Variants in ARAP1 observed in about 807,000 individuals in gnomAD.
The protein encoded by ARAP1 is ArfGAP with RhoGAP domain, ankyrin repeat and PH domain 1.
ARAP1 carries 76 observed loss-of-function variants against 172.2 expected under a neutral mutation model. The observed-to-expected ratio is 0.44, with a 90% CI of 0.37 to 0.53. ARAP1 has a LOEUF of 0.53. Among genes scored for constraint, ARAP1 ranks in the 20% least tolerant of loss-of-function variants. The pLI, the probability that ARAP1 is intolerant of heterozygous loss-of-function variation, is 0.00. For synonymous variants in ARAP1, 804 were observed against 803.3 expected, an observed-to-expected ratio of 1.00 and a Z score of -0.01; for missense variants, 1,686 against 1,977.5, an observed-to-expected ratio of 0.85 and a Z score of 2.80.
At position 72,697,107 on chromosome 11, in the gene ARAP1, A is replaced by T; in HGVS notation, c.3042T>A (p.Ser1014=). Residue 1014 remains serine, a synonymous_variant, in exon 22 of 35, where the codon TCT becomes TCA. Transcript: ENST00000393609. ...GCTGCTCGCCCTCCTTGAGGTGCAC[A>T]GAGCGCGCATCCTGCCGCAGGCTCT... The part of the protein sequence containing the change: ...LLESLRQDAR[S]VHLKEGEQHV... The T allele has an allele frequency of 6.2e-7, 1 of 1,608,314 alleles. No individual in the cohort carries two copies. Among genetic ancestry groups the T allele is most frequent in the Non-Finnish European group, 8.5e-7 (1 of 1,179,908 alleles).
At position 72,741,995 on chromosome 11, in the gene ARAP1, T is replaced by C. The variant is rs1858213411; in HGVS notation, c.-127-9398A>G. 6.6e-6 allele frequency among the ~76,000 whole-genome samples: 1 copy of C among 151,872 alleles called. No individual in the cohort carries two copies. Among genetic ancestry groups the C allele is most frequent in the African/African-American group, 2.4e-5 (1 of 41,336 alleles). ...CCCCTGGAATGCAGAAGACAGAAAA[T>C]AAGGGGGTCCCTTACTGCTGGCACG... On this transcript the variant is annotated intron_variant, in intron 1 of 34. Transcript: ENST00000393609. The surrounding 1 kb of genome is among the most constrained non-coding windows in gnomAD (Gnocchi z 4.5).
At chr11:72,688,577 G>C in intron 30 of ARAP1, 40 bp from the exon 31 acceptor site, 1 of 1,563,792 alleles carries the variant, frequency 6.4e-7, no homozygotes. Flanking sequence ...TTAGTCTGCA[G>C]AAAGGGCACT....
chr11:72,686,887 C>T (rs1172204407), intron 33 of ARAP1, among the ~76,000 whole-genome samples: 2 of 152,140 alleles, frequency 1.3e-5, no homozygotes, highest in East Asian at 1.9e-4. Context: ...ACCTCTGTGT[C>T]GAGGTCAGTT....
At chr11:72,742,717 A>C (rs963742699) in intron 1 of ARAP1, among the ~76,000 whole-genome samples, 1 of 152,118 alleles carries the variant, frequency 6.6e-6, no homozygotes, top group African/African-American at 2.4e-5. Flanking sequence ...GGGATTTGGG[A>C]ATTCAACTAA....
At chr11:72,705,162 G>A (rs1856699271) in intron 13 of ARAP1, 1 of 152,330 alleles carries the variant, frequency 6.6e-6, no homozygotes, top group South Asian at 2.1e-4. Flanking sequence ...CCCATTGCAG[G>A]TTCTCCCCTA....
At chr11:72,707,435 T>A in intron 11 of ARAP1, 61 bp from the exon 12 acceptor site, 1 of 1,488,718 alleles carries the variant, frequency 6.7e-7, no homozygotes, top group Non-Finnish European at 9.2e-7. Flanking sequence ...GGGGGCAGCA[T>A]GAGGATGCAC....
intron 1 of ARAP1, among the ~76,000 whole-genome samples, chr11:72,750,093 C>G (rs2135599368): frequency 6.6e-6 from 1 of 152,288 alleles, no homozygotes; most frequent in South Asian, 2.1e-4. Flanking sequence ...CACCCTTGTT[C>G]CCTCCTTCCT....
intron 1 of ARAP1, among the ~76,000 whole-genome samples, chr11:72,742,214 C>T (rs1036256518): frequency 4.6e-5 from 7 of 152,128 alleles, no homozygotes; most frequent in Non-Finnish European, 1.0e-4. Flanking sequence ...GTCTCCCTCT[C>T]GATTCTCCAG....
intron 2 of ARAP1, among the ~76,000 whole-genome samples, chr11:72,729,017 A>G (rs2135575025): frequency 6.6e-6 from 1 of 152,356 alleles, no homozygotes; most frequent in South Asian, 2.1e-4. Context: ...CAACCTCACC[A>G]CATGTTAAAA....
At chr11:72,701,899 C>T in intron 15 of ARAP1, 116 bp from the exon 16 acceptor site, 1 of 1,365,510 alleles carries the variant, frequency 7.3e-7, no homozygotes, top group South Asian at 1.4e-5. Flanking sequence ...GCCCCAGCTC[C>T]CTAACTGGCA....
chr11:72,712,880 A>G (rs1857091205), intron 5 of ARAP1: 1 of 599,030 alleles, frequency 1.7e-6, no homozygotes, highest in Non-Finnish European at 3.0e-6. Flanking sequence ...TGAAACAGAG[A>G]CAGACACTCC....
chr11:72,701,863 C>A, intron 15 of ARAP1, 80 bp from the exon 16 acceptor site: 1 of 1,533,310 alleles, frequency 6.5e-7, no homozygotes, highest in Non-Finnish European at 8.8e-7. Flanking sequence ...CTGGCCTGGG[C>A]ATTCAGGCTC....
chr11:72,711,321 A>G, intron 8 of ARAP1, 109 bp downstream of exon 8: 1 of 1,487,876 alleles, frequency 6.7e-7, no homozygotes, highest in Non-Finnish European at 9.3e-7. Context: ...AAGGGGTCAG[A>G]CTTAGAACTC....
At chr11:72,735,962 C>T (rs563779784) in intron 1 of ARAP1, among the ~76,000 whole-genome samples, 1 of 152,284 alleles carries the variant, frequency 6.6e-6, no homozygotes, top group East Asian at 1.9e-4. Context: ...GCCCAGGGGG[C>T]CCTCAACCAG....
At chr11:72,707,445 C>T in intron 11 of ARAP1, 71 bp from the exon 12 acceptor site, 2 of 1,420,068 alleles carry the variant, frequency 1.4e-6, no homozygotes, top group Admixed American at 2.0e-5. Flanking sequence ...TGAGGATGCA[C>T]AGAATGAAGT....
intron 1 of ARAP1, among the ~76,000 whole-genome samples, chr11:72,751,618 T>G (rs771435637): frequency 4.6e-5 from 7 of 151,738 alleles, no homozygotes; most frequent in Admixed American, 6.6e-5. Context: ...CCCTCCCACC[T>G]ATCTGGGATC....
chr11:72,742,773 A>C (rs1858240292), intron 1 of ARAP1, among the ~76,000 whole-genome samples: 1 of 152,202 alleles, frequency 6.6e-6, no homozygotes, highest in Non-Finnish European at 1.5e-5. Context: ...GAATTAGGAT[A>C]GCTCCACCTT....
chr11:72,686,251 A>G, intron 33 of ARAP1, 60 bp from the exon 34 acceptor site: 1 of 1,560,700 alleles, frequency 6.4e-7, no homozygotes, highest in Non-Finnish European at 8.7e-7. Flanking sequence ...ACTCAGCCTC[A>G]GATCTGCCCA....
intron 16 of ARAP1, among the ~76,000 whole-genome samples, chr11:72,701,326 G>A (rs544079142): frequency 1.3e-5 from 2 of 152,160 alleles, no homozygotes; most frequent in South Asian, 4.1e-4. Flanking sequence ...GATGGATAGG[G>A]CTTTCGTTCA....
Sources: allele counts gnomAD v4.1 joint callset (sites outside exome capture counted in the v4.1 genomes callset), GRCh38; gene constraint gnomAD v4.1.1; non-coding constraint Gnocchi (gnomAD v3.1); transcripts MANE v1.5; gene names NCBI Gene and HGNC (gene_info 2026-07-23, HGNC 2026-07-21).